Variants in SNX24 observed in about 807,000 individuals in gnomAD.
SNX24 encodes sorting nexin 24, also known as sorting nexin-24.
In SNX24, 22 loss-of-function variants were observed where a neutral mutation model predicts 28.7. The ratio of observed to expected loss-of-function variants is 0.77; its 90% CI spans 0.55 to 1.10. SNX24 has a LOEUF of 1.10. SNX24 is among the 50% of genes least tolerant of loss of function. The probability of loss-of-function intolerance (pLI) is 0.00; values close to 1 mark genes in which losing one functional copy is unlikely to be tolerated. For missense variants in SNX24, 221 were observed against 201.1 expected (o/e 1.10, Z -0.60); for synonymous variants, 69 against 71.5 (o/e 0.96, Z 0.18).
At chr5:122,982,511 T>TA (rs1489551701) in intron 3 of SNX24, among the ~76,000 whole-genome samples, 5 of 152,244 alleles carry the variant, frequency 3.3e-5, no homozygotes, top group African/African-American at 1.2e-4. Context: ...TATCAGAATA[T>TA]AGGGCATGCT....
intron 1 of SNX24, among the ~76,000 whole-genome samples, chr5:122,873,376 A>G (rs761889880): frequency 2.6e-5 from 4 of 152,078 alleles, no homozygotes; most frequent in Non-Finnish European, 5.9e-5. Context: ...TGGCCTAGAT[A>G]ATTCTAAATG....
At chr5:122,885,950 G>A (rs1428420603) in intron 1 of SNX24, among the ~76,000 whole-genome samples, 1 of 152,092 alleles carries the variant, frequency 6.6e-6, no homozygotes, top group African/African-American at 2.4e-5. Flanking sequence ...TAGGGTTCAT[G>A]CTCCTATGAG....
At chr5:122,922,626 A>G (rs937383374) in intron 1 of SNX24, among the ~76,000 whole-genome samples, 3 of 152,116 alleles carry the variant, frequency 2.0e-5, no homozygotes, top group Non-Finnish European at 4.4e-5. Flanking sequence ...GTTCCGTGGT[A>G]TAACTTCATA....
rs548343502 is a variant in SNX24 at position 122,889,628 on chromosome 5, TA to T, written c.60+43936del. ...ATATACACACATATATATATACACA[TA>T]TATATATATACACATACATATGTAT... is the stretch of plus-strand genomic sequence containing the variant. On this transcript the variant is annotated intron_variant, in intron 1 of 6. Transcript: ENST00000261369. Among the ~76,000 whole-genome samples the T allele has an allele frequency of 5.4e-3, 67 of 12,300 alleles. 1 individual carries two copies. In the East Asian group the frequency reaches 0.49, roughly 90 times the overall value. 8.1% of individuals were successfully genotyped at this position (12,300 alleles called of 152,430 possible).
chr5:122,888,063 T>C (rs1756793853), intron 1 of SNX24, among the ~76,000 whole-genome samples: 1 of 152,258 alleles, frequency 6.6e-6, no homozygotes, highest in African/African-American at 2.4e-5. Flanking sequence ...TATATATGTT[T>C]CATTTGACTT....
intron 5 of SNX24, among the ~76,000 whole-genome samples, chr5:123,019,440 T>C (rs1319982238): frequency 1.3e-5 from 2 of 152,250 alleles, no homozygotes; most frequent in African/African-American, 4.8e-5. Context: ...TTTGTCTTTA[T>C]GTAACTCAAA....
chr5:123,004,563 G>A (rs1003441373), intron 6 of SNX24, among the ~76,000 whole-genome samples: 11 of 152,092 alleles, frequency 7.2e-5, no homozygotes, highest in East Asian at 1.9e-4. Flanking sequence ...TGCCTACCAC[G>A]TGTATACACC....
intron 1 of SNX24, among the ~76,000 whole-genome samples, chr5:122,912,634 A>G (rs1178108637): frequency 1.3e-5 from 2 of 151,822 alleles, no homozygotes; most frequent in Non-Finnish European, 2.9e-5. Context: ...TTATTTTGAG[A>G]TACGTCCCAT....
intron 1 of SNX24, among the ~76,000 whole-genome samples, chr5:122,875,058 A>G (rs1392760721): frequency 6.6e-6 from 1 of 152,232 alleles, no homozygotes; most frequent in South Asian, 2.1e-4. Context: ...AGTTCATACC[A>G]TAAGCCCCTC....
intron 1 of SNX24, among the ~76,000 whole-genome samples, chr5:122,903,658 T>C (rs1757532547): frequency 6.6e-6 from 1 of 152,188 alleles, no homozygotes; most frequent in South Asian, 2.1e-4. Context: ...TTTTTGGCCA[T>C]GTGCTTAATG....
chr5:122,917,642 C>A (rs542942052), intron 1 of SNX24, among the ~76,000 whole-genome samples: 21 of 152,242 alleles, frequency 1.4e-4, no homozygotes, highest in Admixed American at 6.5e-4. Flanking sequence ...AAATTTTAGG[C>A]CTTTGTGTAA....
chr5:122,967,962 G>A (rs1760782112), intron 3 of SNX24, among the ~76,000 whole-genome samples: 1 of 152,204 alleles, frequency 6.6e-6, no homozygotes, highest in East Asian at 1.9e-4. Context: ...CACCAAGTGG[G>A]AAAGTAGGTG....
intron 4 of SNX24, 27 bp downstream of exon 4, chr5:123,000,033 G>A (rs1041647975): frequency 7.1e-7 from 1 of 1,411,060 alleles, no homozygotes; most frequent in African/African-American, 1.4e-5. Flanking sequence ...CATATTGGAT[G>A]TGTATTTTAA....
At chr5:122,893,423 C>T (rs1023242606) in intron 1 of SNX24, among the ~76,000 whole-genome samples, 4 of 152,048 alleles carry the variant, frequency 2.6e-5, no homozygotes, top group East Asian at 3.9e-4. Context: ...CCAAGATCTG[C>T]GTGGTAGGTG....
chr5:122,941,566 T>G (rs1483165018), intron 2 of SNX24, among the ~76,000 whole-genome samples: 1 of 152,216 alleles, frequency 6.6e-6, no homozygotes, highest in East Asian at 1.9e-4. Context: ...AGAATACAGA[T>G]TTCTGCTTAA....
intron 2 of SNX24, among the ~76,000 whole-genome samples, chr5:122,945,009 T>C (rs930929776): frequency 6.6e-6 from 1 of 152,186 alleles, no homozygotes; most frequent in African/African-American, 2.4e-5. Flanking sequence ...CTTAAAACAA[T>C]ATAAATTTAT....
intron 2 of SNX24, among the ~76,000 whole-genome samples, chr5:122,941,307 A>G (rs1223735232): frequency 1.3e-5 from 2 of 152,130 alleles, no homozygotes; most frequent in Non-Finnish European, 2.9e-5. Context: ...TATTCTGTCT[A>G]CTACTAACAC....
At chr5:123,013,565 G>A (rs1037922409), downstream of SNX24, among the ~76,000 whole-genome samples, 5 of 152,114 alleles carry the variant, frequency 3.3e-5, no homozygotes, top group African/African-American at 1.2e-4. Context: ...GAGGGTGAAG[G>A]TCTATTTTTG....
At chr5:122,902,166 A>G (rs1581725183) in intron 1 of SNX24, among the ~76,000 whole-genome samples, 1 of 151,750 alleles carries the variant, frequency 6.6e-6, no homozygotes, top group African/African-American at 2.4e-5. Flanking sequence ...AGTGCCACTC[A>G]CTCTTCTCAT....
Sources: allele counts gnomAD v4.1 joint callset (sites outside exome capture counted in the v4.1 genomes callset), GRCh38; gene constraint gnomAD v4.1.1; transcripts MANE v1.5; gene names NCBI Gene and HGNC (gene_info 2026-07-23, HGNC 2026-07-21).